The following RYR3 variants were observed in gnomAD, a reference collection of about 807,000 sequenced individuals.
RYR3 encodes brain ryanodine receptor-calcium release channel.
RYR3 carries 207 observed loss-of-function variants against 584.3 expected under a neutral mutation model. That is an observed-to-expected ratio of 0.35 (90% confidence interval 0.32 to 0.40). RYR3 has a LOEUF of 0.40. Among genes scored for constraint, RYR3 ranks in the 10% least tolerant of loss-of-function variants. The pLI is 1.00. For synonymous variants in RYR3, 2,416 were observed against 2,248.5 expected, an observed-to-expected ratio of 1.07 and a Z score of -2.11; for missense variants, 5,616 against 6,089.2, an observed-to-expected ratio of 0.92 and a Z score of 2.59.
chr15:33,415,101 C>G (rs988374251), intron 1 of RYR3, among the ~76,000 whole-genome samples: 4 of 152,036 alleles, frequency 2.6e-5, no homozygotes, highest in African/African-American at 9.7e-5. Flanking sequence ...GTATAAGAGG[C>G]ATGTTGTGGA....
chr15:33,670,121 A>G (rs776555040), intron 37 of RYR3, among the ~76,000 whole-genome samples: 8 of 152,132 alleles, frequency 5.3e-5, no homozygotes, highest in Non-Finnish European at 8.8e-5. Flanking sequence ...AGAGGTTTCA[A>G]CACTATAAGA....
intron 3 of RYR3, among the ~76,000 whole-genome samples, chr15:33,516,558 A>G (rs2053541215): frequency 6.6e-6 from 1 of 151,378 alleles, no homozygotes; most frequent in South Asian, 2.1e-4. Context: ...CTGGTCTTGA[A>G]CTCCTGACCT....
intron 19 of RYR3, among the ~76,000 whole-genome samples, chr15:33,617,153 G>A (rs965069814): frequency 8.5e-5 from 13 of 152,178 alleles, no homozygotes; most frequent in African/African-American, 2.2e-4. Flanking sequence ...GGTGGCTCAC[G>A]CCCGTAATCT....
Position 33,662,478 on chromosome 15 carries a change from C to T in RYR3, c.4948C>T (p.His1650Tyr). The T allele has an allele frequency of 6.2e-7, 1 of 1,614,028 alleles. No individual in the cohort carries two copies. Among genetic ancestry groups the T allele is most frequent in the Non-Finnish European group, 8.5e-7 (1 of 1,179,890 alleles). ...IRLFPDESKR[H>Y]GLPGVGLRTC... ...CCTCTTCCCGGACGAGTCCAAGAGG[C>T]ATGGACTGCCTGGGGTGGGCCTGAG... is the stretch of plus-strand genomic sequence containing the variant. Residue 1650 changes from histidine (H) to tyrosine (Y), a missense_variant, in exon 35 of 104, where the codon CAT becomes TAT. By Grantham distance (83) the His-to-Tyr change is moderately conservative. This residue lies in a region of RYR3 where 753 missense variants were observed against 741.0 expected (regional missense o/e 1.02). Coordinates refer to ENST00000634891, the MANE Select transcript of RYR3 (RefSeq NM_001036.6).
At position 33,697,232 on chromosome 15, in the gene RYR3, T is replaced by C. The variant is rs543954391; in HGVS notation, c.6135-650T>C. On this transcript the variant is annotated intron_variant, in intron 39 of 103. Coordinates refer to ENST00000634891, the MANE Select transcript of RYR3 (RefSeq NM_001036.6). Reference sequence around the variant, plus strand: ...GACCTTCAGGATCCTTGGAGGGAAATGCACTCATTCGTCAAACTCATTTCC... The same window carrying C: ...GACCTTCAGGATCCTTGGAGGGAAACGCACTCATTCGTCAAACTCATTTCC... Among the ~76,000 whole-genome samples, 19 of 152,284 alleles carry C rather than the reference T, an allele frequency of 1.2e-4. No individual in the cohort carries two copies. In the Middle Eastern group the frequency reaches 0.01, roughly 82 times the overall value.
intron 92 of RYR3, 104 bp from the exon 93 acceptor site, chr15:33,844,758 C>A: frequency 1.0e-6 from 1 of 975,978 alleles, no homozygotes; most frequent in Non-Finnish European, 1.5e-6. Flanking sequence ...TGTTGAGTCA[C>A]TACTATTTGT....
chr15:33,339,403 C>T (rs1006997031), intron 1 of RYR3, among the ~76,000 whole-genome samples: 1 of 152,160 alleles, frequency 6.6e-6, no homozygotes, highest in Admixed American at 6.5e-5. Flanking sequence ...TAAGTTTAGT[C>T]CAGGCAAGAG....
rs150704854 is a variant in RYR3 at position 33,593,005 on chromosome 15, C to G, written c.1788+6889C>G. On this transcript the variant is annotated intron_variant, in intron 16 of 103. Transcript: ENST00000634891. ...GGTTCAGTCTGGAAAGGTGGGACAA[C>G]TTGAAGCAAAGGCAGGAAGACCGGA... is the stretch of plus-strand genomic sequence containing the variant. 9.3e-3 allele frequency among the ~76,000 whole-genome samples: 1,409 copies of G among 152,288 alleles called. 22 individuals are homozygous for G. The highest frequency in any genetic ancestry group is 0.032 in the African/African-American group (1,318 of 41,554).
At chr15:33,429,240 C>A (rs1349522140) in intron 1 of RYR3, among the ~76,000 whole-genome samples, 1 of 152,170 alleles carries the variant, frequency 6.6e-6, no homozygotes, top group Non-Finnish European at 1.5e-5. Flanking sequence ...TTTGTCTCCA[C>A]TCGGTTATGA....
At chr15:33,471,874 G>A (rs974703106) in intron 1 of RYR3, among the ~76,000 whole-genome samples, 1 of 152,036 alleles carries the variant, frequency 6.6e-6, no homozygotes, top group African/African-American at 2.4e-5. Flanking sequence ...TGGCAACTAA[G>A]AGCCCCTCAT....
chr15:33,618,473 T>C (rs1469539030), intron 19 of RYR3, among the ~76,000 whole-genome samples: 3 of 152,234 alleles, frequency 2.0e-5, no homozygotes, highest in African/African-American at 7.2e-5. Flanking sequence ...TGGATTGCCC[T>C]GAGCTTTCAT....
At chr15:33,449,325 C>T (rs2046918952) in intron 1 of RYR3, among the ~76,000 whole-genome samples, 1 of 152,274 alleles carries the variant, frequency 6.6e-6, no homozygotes, top group East Asian at 1.9e-4. Context: ...TGACCCCCTC[C>T]GTAAGGCAGT....
chr15:33,411,950 C>A (rs922843684), intron 1 of RYR3, among the ~76,000 whole-genome samples: 1 of 152,222 alleles, frequency 6.6e-6, no homozygotes. Context: ...CCATGAAGAC[C>A]TTTTAGGACC....
chr15:33,513,146 GTTTA>G (rs927484384), intron 3 of RYR3, among the ~76,000 whole-genome samples: 2 of 152,132 alleles, frequency 1.3e-5, no homozygotes, highest in African/African-American at 2.4e-5. Flanking sequence ...AAACTCTTCA[GTTTA>G]TTTATTAGAG....
intron 3 of RYR3, among the ~76,000 whole-genome samples, chr15:33,512,491 A>G (rs1441180959): frequency 2.6e-5 from 4 of 152,204 alleles, no homozygotes; most frequent in Non-Finnish European, 5.9e-5. Context: ...CATTTATTGA[A>G]TATAGTGCTT....
Position 33,726,370 on chromosome 15 carries a change from C to T in RYR3, c.6913-16C>T. 1 of 1,612,778 alleles carries T rather than the reference C, an allele frequency of 6.2e-7. No individual in the cohort carries two copies. The highest frequency in any genetic ancestry group is 1.1e-5 in the South Asian group (1 of 90,596). On this transcript the variant is annotated splice_polypyrimidine_tract_variant and intron_variant, in intron 45 of 103. Coordinates refer to ENST00000634891, the MANE Select transcript of RYR3 (RefSeq NM_001036.6). ...AACCTCACTTATCTAATGTCATTCT[C>T]AACCCTATCTTCCAGCTCATCCAGA...
intron 16 of RYR3, among the ~76,000 whole-genome samples, chr15:33,591,507 C>T (rs544012713): frequency 6.6e-6 from 1 of 152,234 alleles, no homozygotes; most frequent in African/African-American, 2.4e-5. Context: ...TCCTGTCTCA[C>T]CTTGAACTAA....
intron 1 of RYR3, among the ~76,000 whole-genome samples, chr15:33,452,143 G>C (rs1249657376): frequency 2.0e-5 from 3 of 152,206 alleles, no homozygotes; most frequent in Non-Finnish European, 4.4e-5. Flanking sequence ...CTGCGATCCA[G>C]CCTTTCTTTT....
intron 12 of RYR3, among the ~76,000 whole-genome samples, chr15:33,572,749 C>T (rs917203030): frequency 1.2e-4 from 18 of 151,178 alleles, no homozygotes; most frequent in Admixed American, 2.6e-4. Context: ...CCAAGGTGGG[C>T]GAATCACCTG....
Sources: allele counts gnomAD v4.1 joint callset (sites outside exome capture counted in the v4.1 genomes callset), GRCh38; gene constraint gnomAD v4.1.1; regional missense constraint gnomAD v4.1.1; transcripts MANE v1.5; gene names NCBI Gene and HGNC (gene_info 2026-07-23, HGNC 2026-07-21).